The following PALM2AKAP2 variants were observed in gnomAD, a reference collection of about 807,000 sequenced individuals.
The protein encoded by PALM2AKAP2 is PALM2 and AKAP2 fusion.
In PALM2AKAP2, 37 loss-of-function variants were observed where a neutral mutation model predicts 71.5. The ratio of observed to expected loss-of-function variants is 0.52; its 90% confidence interval spans 0.40 to 0.68. The LOEUF (loss-of-function observed/expected upper bound fraction) is 0.68. Ranked by LOEUF, PALM2AKAP2 falls within the 30% of genes least tolerant of loss-of-function variation. The pLI is 0.00. For synonymous variants in PALM2AKAP2, 468 were observed against 478.8 expected (o/e 0.98, Z 0.29); for missense variants, 1,224 against 1,191.8 (o/e 1.03, Z -0.40).
At chr9:110,136,930 CAAG>C (rs1835891904) in exon 2 of PALM2AKAP2, 2 of 1,614,010 alleles carry the variant, frequency 1.2e-6, no homozygotes, top group Non-Finnish European at 1.7e-6. Context: ...GCCAGGCCGT[CAAG>C]AAGAATCCTG....
chr9:109,851,485 G>T (rs926051623), intron 1 of PALM2AKAP2, among the ~76,000 whole-genome samples: 1 of 152,178 alleles, frequency 6.6e-6, no homozygotes, highest in Admixed American at 6.5e-5. Context: ...ATAGCCAGAG[G>T]TCTTGAATCT....
chr9:109,734,393 C>A (rs555524061), intron 1 of PALM2AKAP2, among the ~76,000 whole-genome samples: 1 of 152,094 alleles, frequency 6.6e-6, no homozygotes, highest in African/African-American at 2.4e-5. Context: ...GATAGATAGC[C>A]AATAGGCACA....
chr9:109,833,899 A>G (rs565371858), intron 1 of PALM2AKAP2, among the ~76,000 whole-genome samples: 1 of 152,266 alleles, frequency 6.6e-6, no homozygotes, highest in South Asian at 2.1e-4. Flanking sequence ...GTTCCCTCCA[A>G]GGGGCATGCT....
chr9:109,984,660 C>T (rs1486833239), intron 6 of PALM2AKAP2, among the ~76,000 whole-genome samples: 1 of 151,458 alleles, frequency 6.6e-6, no homozygotes, highest in African/African-American at 2.4e-5. Flanking sequence ...AGTTTGAGAC[C>T]AGCCTGGGCA....
chr9:110,063,439 ATTT>A (rs35944774), intron 1 of PALM2AKAP2, among the ~76,000 whole-genome samples: 10 of 131,210 alleles, frequency 7.6e-5, no homozygotes, highest in African/African-American at 1.1e-4. Context: ...CCAAATTTCT[ATTT>A]TTTTTTTTTT....
At chr9:110,073,815 G>A (rs1834262126) in intron 1 of PALM2AKAP2, among the ~76,000 whole-genome samples, 1 of 152,114 alleles carries the variant, frequency 6.6e-6, no homozygotes, top group South Asian at 2.1e-4. Flanking sequence ...ATTATGAAAT[G>A]CTGTTAGTTT....
At chr9:109,698,169 G>T (rs1418047128) in intron 1 of PALM2AKAP2, among the ~76,000 whole-genome samples, 1 of 151,880 alleles carries the variant, frequency 6.6e-6, no homozygotes. Context: ...TTGCAGCTGA[G>T]ACATGGTTGA....
intron 3 of PALM2AKAP2, among the ~76,000 whole-genome samples, chr9:110,160,940 G>A (rs1390637283): frequency 6.6e-6 from 1 of 152,164 alleles, no homozygotes; most frequent in East Asian, 1.9e-4. Context: ...CCTGGGCTAC[G>A]TCAAAGCTGA....
At chr9:110,055,169 A>AG (rs199768551) in intron 1 of PALM2AKAP2, among the ~76,000 whole-genome samples, 1 of 129,140 alleles carries the variant, frequency 7.7e-6, no homozygotes, top group Non-Finnish European at 1.8e-5. Context: ...CTAGTTTTTT[A>AG]GTTTTTTTTT....
intron 1 of PALM2AKAP2, among the ~76,000 whole-genome samples, chr9:110,069,239 C>T (rs567623976): frequency 2.0e-5 from 3 of 152,234 alleles, no homozygotes. Flanking sequence ...GAATTAAGTT[C>T]AGTAACAAGT....
chr9:109,996,045 C>G (rs1208440469), intron 6 of PALM2AKAP2, among the ~76,000 whole-genome samples: 1 of 152,204 alleles, frequency 6.6e-6, no homozygotes, highest in Non-Finnish European at 1.5e-5. Flanking sequence ...AGATGGGTAG[C>G]TGACCCTTCC....
At chr9:109,986,577 G>C (rs563684819) in intron 6 of PALM2AKAP2, among the ~76,000 whole-genome samples, 2 of 152,216 alleles carry the variant, frequency 1.3e-5, no homozygotes, top group African/African-American at 4.8e-5. Flanking sequence ...TAAATTTTCT[G>C]TTTCCCTTGT....
chr9:109,767,555 A>T (rs2118755042), intron 1 of PALM2AKAP2, among the ~76,000 whole-genome samples: 1 of 152,268 alleles, frequency 6.6e-6, no homozygotes, highest in African/African-American at 2.4e-5. Context: ...AAATGTAAAT[A>T]CATTACTTTG....
At chr9:109,797,316 A>T (rs921702585) in intron 1 of PALM2AKAP2, among the ~76,000 whole-genome samples, 20 of 152,118 alleles carry the variant, frequency 1.3e-4, no homozygotes, top group Non-Finnish European at 2.2e-4. Context: ...ACAGATACTC[A>T]CTGAATGCTT....
rs144424888 is a variant in PALM2AKAP2 at position 109,997,334 on chromosome 9, T to C, written c.497-18620T>C. Among the ~76,000 whole-genome samples the C allele has an allele frequency of 2.0e-4, 30 of 152,348 alleles. No homozygotes were observed. The East Asian group carries it at 4.6e-3, about 23-fold the overall frequency. On this transcript the variant is annotated intron_variant, in intron 6 of 9. Transcript: ENST00000302798. ...GGATAATATTGTGTCTACCTCATCATGTTGTATGAGGATTAAGTAAGGTAA... is the reference window on the plus strand; with the variant it reads ...GGATAATATTGTGTCTACCTCATCACGTTGTATGAGGATTAAGTAAGGTAA...
intron 1 of PALM2AKAP2, among the ~76,000 whole-genome samples, chr9:109,684,717 A>G (rs1007199050): frequency 6.6e-6 from 1 of 152,254 alleles, no homozygotes; most frequent in African/African-American, 2.4e-5. Flanking sequence ...ATTACATTAA[A>G]CAGATATAAA....
chr9:109,754,132 C>A (rs1226525901), intron 1 of PALM2AKAP2, among the ~76,000 whole-genome samples: 1 of 152,090 alleles, frequency 6.6e-6, no homozygotes, highest in Non-Finnish European at 1.5e-5. Context: ...GTGCCAAATA[C>A]AAAACATGTG....
At chr9:109,684,369 C>G (rs1827779444) in intron 1 of PALM2AKAP2, among the ~76,000 whole-genome samples, 1 of 152,164 alleles carries the variant, frequency 6.6e-6, no homozygotes, top group South Asian at 2.1e-4. Context: ...CTCTAGACCC[C>G]TCTGAATCAG....
chr9:109,777,458 C>A (rs540306359), upstream of PALM2AKAP2, among the ~76,000 whole-genome samples: 1 of 152,198 alleles, frequency 6.6e-6, no homozygotes, highest in Non-Finnish European at 1.5e-5. Context: ...TCCACTAGAC[C>A]CTGCTTCCCA....
Sources: gnomAD v4.1 joint callset for allele counts (sites outside exome capture counted in the v4.1 genomes callset) on GRCh38, gnomAD v4.1.1 for gene constraint, MANE v1.5 for transcripts, NCBI Gene and HGNC (gene_info 2026-07-23, HGNC 2026-07-21) for gene names.